Variants in CSNK2A2IP observed in about 807,000 individuals in gnomAD.
The protein encoded by CSNK2A2IP is casein kinase 2 subunit alpha' interacting protein.
chr3:88,465,450 A>T, the CSNK2A2IP span: 1 of 1,231,710 alleles, frequency 8.1e-7, no homozygotes, highest in Non-Finnish European at 1.0e-6. Flanking sequence ...ATCAACATAC[A>T]GGTGAAAAAC....
At chr3:88,351,052 A>C in the CSNK2A2IP span, among the ~76,000 whole-genome samples, 1 of 152,198 alleles carries the variant, frequency 6.6e-6, no homozygotes, top group African/African-American at 2.4e-5. Flanking sequence ...CTGAGGACTA[A>C]GAGCACCTTT....
chr3:88,367,670 G>T, the CSNK2A2IP span, among the ~76,000 whole-genome samples: 1 of 151,978 alleles, frequency 6.6e-6, no homozygotes, highest in Non-Finnish European at 1.5e-5. Flanking sequence ...AATGCAAGCC[G>T]TTCACACCAA....
chr3:88,350,729 A>G, the CSNK2A2IP span, among the ~76,000 whole-genome samples: 1 of 152,150 alleles, frequency 6.6e-6, no homozygotes, highest in Non-Finnish European at 1.5e-5. Context: ...AAACATAAAG[A>G]AACCATAAAG....
chr3:88,447,663 A>G, the CSNK2A2IP span, among the ~76,000 whole-genome samples: 1 of 152,114 alleles, frequency 6.6e-6, no homozygotes, highest in Admixed American at 6.6e-5. Flanking sequence ...TTTGTATAAA[A>G]ATGCAGATAC....
chr3:88,388,723 G>A, the CSNK2A2IP span, among the ~76,000 whole-genome samples: 1 of 152,030 alleles, frequency 6.6e-6, no homozygotes, highest in Non-Finnish European at 1.5e-5. Flanking sequence ...TCCCTGTATA[G>A]ATACAAACAT....
chr3:88,373,655 G>T, the CSNK2A2IP span, among the ~76,000 whole-genome samples: 1 of 146,832 alleles, frequency 6.8e-6, no homozygotes, highest in Non-Finnish European at 1.5e-5. Flanking sequence ...TACTGAAATA[G>T]AAATTTTAAA....
the CSNK2A2IP span, among the ~76,000 whole-genome samples, chr3:88,456,657 CTTTT>C: frequency 3.1e-3 from 429 of 140,112 alleles, 2 homozygotes; most frequent in African/African-American, 0.011. Context: ...TCTTCCTTTC[CTTTT>C]TTTTTTTTTT....
At chr3:88,439,847 G>T in the CSNK2A2IP span, among the ~76,000 whole-genome samples, 2 of 151,890 alleles carry the variant, frequency 1.3e-5, no homozygotes, top group East Asian at 3.9e-4. Flanking sequence ...AGGAGAAAAA[G>T]TTCTAAACTG....
At chr3:88,420,573 A>G in the CSNK2A2IP span, among the ~76,000 whole-genome samples, 1 of 152,200 alleles carries the variant, frequency 6.6e-6, no homozygotes, top group African/African-American at 2.4e-5. Context: ...TAACATTTAT[A>G]TGATTCTACA....
chr3:88,437,814 C>T, the CSNK2A2IP span, among the ~76,000 whole-genome samples: 1 of 152,152 alleles, frequency 6.6e-6, no homozygotes, highest in African/African-American at 2.4e-5. Context: ...TCTGCTTTTC[C>T]ATTCCTACTC....
chr3:88,421,689 T>A, the CSNK2A2IP span, among the ~76,000 whole-genome samples: 15 of 152,170 alleles, frequency 9.9e-5, no homozygotes, highest in Non-Finnish European at 1.8e-4. Flanking sequence ...AATGCTGGGA[T>A]TACAGGCATG....
chr3:88,461,271 A>G, the CSNK2A2IP span, among the ~76,000 whole-genome samples: 1 of 152,118 alleles, frequency 6.6e-6, no homozygotes, highest in African/African-American at 2.4e-5. Flanking sequence ...ATACTAATTT[A>G]GGTCAGGTAC....
chr3:88,351,872 C>T, the CSNK2A2IP span, among the ~76,000 whole-genome samples: 1 of 152,190 alleles, frequency 6.6e-6, no homozygotes, highest in South Asian at 2.1e-4. Context: ...TCTTTTAAGT[C>T]ACCAGATTTT....
At chr3:88,458,430 C>A in the CSNK2A2IP span, among the ~76,000 whole-genome samples, 9 of 152,116 alleles carry the variant, frequency 5.9e-5, no homozygotes, top group African/African-American at 2.2e-4. Context: ...AGACTACAGG[C>A]GTAAGACACC....
the CSNK2A2IP span, among the ~76,000 whole-genome samples, chr3:88,385,322 C>T: frequency 7.2e-5 from 11 of 152,032 alleles, no homozygotes; most frequent in African/African-American, 2.7e-4. Context: ...TGAGCTAATG[C>T]TGCTGAGTCA....
chr3:88,443,605 T>TATG, the CSNK2A2IP span, among the ~76,000 whole-genome samples: 1 of 152,144 alleles, frequency 6.6e-6, no homozygotes, highest in African/African-American at 2.4e-5. Flanking sequence ...GATGGCCTTT[T>TATG]ATGTCCAGAG....
At chr3:88,373,379 T>A in the CSNK2A2IP span, among the ~76,000 whole-genome samples, 1 of 151,196 alleles carries the variant, frequency 6.6e-6, no homozygotes, top group Non-Finnish European at 1.5e-5. Flanking sequence ...CTAAAAATAA[T>A]CAATGGATTA....
At chr3:88,409,815 A>G in the CSNK2A2IP span, among the ~76,000 whole-genome samples, 2 of 152,034 alleles carry the variant, frequency 1.3e-5, no homozygotes, top group African/African-American at 4.8e-5. Context: ...TTCTATCAGG[A>G]TATATATGAT....
At chr3:88,426,916 G>A in the CSNK2A2IP span, among the ~76,000 whole-genome samples, 1 of 151,298 alleles carries the variant, frequency 6.6e-6, no homozygotes, top group African/African-American at 2.4e-5. Flanking sequence ...GTGTGCTACT[G>A]TAAAAATACC....
Sources: allele counts gnomAD v4.1 joint callset (sites outside exome capture counted in the v4.1 genomes callset), GRCh38; gene constraint gnomAD v4.1.1; transcripts MANE v1.5; gene names NCBI Gene and HGNC (gene_info 2026-07-23, HGNC 2026-07-21).